The following GMDS variants were observed in gnomAD, a reference collection of about 807,000 sequenced individuals.
The protein encoded by GMDS is GDP-mannose 4,6-dehydratase.
Under a neutral mutation model 49.9 loss-of-function variants are expected in GMDS, and 20 were observed. The ratio of observed to expected loss-of-function variants is 0.40; its 90% CI spans 0.28 to 0.58. The LOEUF (loss-of-function observed/expected upper bound fraction) is 0.58, where lower values mean the gene tolerates loss of function less well. GMDS is among the 20% of genes least tolerant of loss of function. The probability of loss-of-function intolerance (pLI) is 0.42; values close to 1 mark genes in which losing one functional copy is unlikely to be tolerated. For missense variants in GMDS, 362 were observed against 481.4 expected, an observed-to-expected ratio of 0.75 and a Z score of 2.32; for synonymous variants, 177 against 178.6, an observed-to-expected ratio of 0.99 and a Z score of 0.07.
intron 4 of GMDS, among the ~76,000 whole-genome samples, chr6:2,093,434 T>C (rs1421916813): frequency 1.3e-5 from 2 of 152,138 alleles, no homozygotes; most frequent in Non-Finnish European, 2.9e-5. Context: ...TTTCAAATGA[T>C]CAGCAAAGAT....
intron 9 of GMDS, among the ~76,000 whole-genome samples, chr6:1,719,367 G>A (rs1766285742): frequency 6.6e-6 from 1 of 152,158 alleles, no homozygotes; most frequent in African/African-American, 2.4e-5. Flanking sequence ...CACGGTAGAT[G>A]GGCATGACTA....
chr6:2,216,916 C>A (rs1780363750), intron 1 of GMDS, among the ~76,000 whole-genome samples: 1 of 152,140 alleles, frequency 6.6e-6, no homozygotes, highest in African/African-American at 2.4e-5. Context: ...TCCCATGGCT[C>A]CTCACGGAAA....
chr6:2,108,499 T>TCAGTG (rs1774365605), intron 4 of GMDS, among the ~76,000 whole-genome samples: 1 of 152,208 alleles, frequency 6.6e-6, no homozygotes, highest in African/African-American at 2.4e-5. Flanking sequence ...TTAGTATCAC[T>TCAGTG]GATGTGCTAA....
chr6:2,002,131 T>C (rs1401764988), intron 4 of GMDS, among the ~76,000 whole-genome samples: 2 of 152,184 alleles, frequency 1.3e-5, no homozygotes, highest in Non-Finnish European at 2.9e-5. Flanking sequence ...AAAATTGGAT[T>C]TATATAAAGT....
chr6:1,818,011 T>C (rs1489961538), intron 7 of GMDS, among the ~76,000 whole-genome samples: 1 of 152,180 alleles, frequency 6.6e-6, no homozygotes, highest in Non-Finnish European at 1.5e-5. Context: ...AATACAGAGC[T>C]TGCCTTAAAA....
intron 4 of GMDS, among the ~76,000 whole-genome samples, chr6:1,997,117 A>T (rs1423421450): frequency 6.6e-6 from 1 of 151,944 alleles, no homozygotes; most frequent in Non-Finnish European, 1.5e-5. Flanking sequence ...GGGATGGGGT[A>T]AAGAGGGAAG....
chr6:1,914,611 C>T (rs182679803), intron 7 of GMDS, among the ~76,000 whole-genome samples: 1 of 152,274 alleles, frequency 6.6e-6, no homozygotes, highest in Admixed American at 6.5e-5. Flanking sequence ...ACAAGTGACA[C>T]CTGAGACTAT....
intron 7 of GMDS, among the ~76,000 whole-genome samples, chr6:1,786,358 G>T (rs1052042666): frequency 1.3e-5 from 2 of 152,242 alleles, no homozygotes; most frequent in Admixed American, 1.3e-4. Context: ...CAGGAAGCAG[G>T]GTTGGCTATG....
intron 7 of GMDS, among the ~76,000 whole-genome samples, chr6:1,742,965 C>T (rs966618591): frequency 6.6e-6 from 1 of 152,132 alleles, no homozygotes; most frequent in African/African-American, 2.4e-5. Context: ...ACAAAAAGAG[C>T]AGTTCTAAAA....
intron 4 of GMDS, among the ~76,000 whole-genome samples, chr6:2,052,116 CAAAAAAAAAAAAAAGAAAA>C (rs1770442470): frequency 2.3e-5 from 1 of 43,616 alleles, no homozygotes; most frequent in Admixed American, 2.5e-4. Flanking sequence ...GACTCTGTCT[CAAAAAAAAAAAAAAGAAAA>C]AAAAAAAACA....
At chr6:1,663,673 C>T (rs1319127852) in intron 9 of GMDS, among the ~76,000 whole-genome samples, 2 of 152,174 alleles carry the variant, frequency 1.3e-5, no homozygotes, top group Admixed American at 1.3e-4. Flanking sequence ...CACTGCTGTT[C>T]CTTCAACTGG....
chr6:1,786,460 C>T (rs11964845), intron 7 of GMDS, among the ~76,000 whole-genome samples: 1,860 of 152,324 alleles, frequency 0.012, 30 homozygotes, highest in African/African-American at 0.043. Context: ...AAGACAAGCC[C>T]CTCGCACAGC....
At chr6:1,749,431 T>TA (rs1331567375) in intron 7 of GMDS, among the ~76,000 whole-genome samples, 1 of 151,050 alleles carries the variant, frequency 6.6e-6, no homozygotes, top group Non-Finnish European at 1.5e-5. Flanking sequence ...CTACAAAAAA[T>TA]ACAAAACTTA....
intron 9 of GMDS, among the ~76,000 whole-genome samples, chr6:1,701,567 C>CA (rs1328043440): frequency 8.0e-5 from 12 of 149,366 alleles, no homozygotes; most frequent in East Asian, 2.0e-4. Context: ...GGTGCATATT[C>CA]AAAAAAAAAG....
At position 1,793,026 on chromosome 6, in the gene GMDS, T is replaced by C. The variant is rs201249587; in HGVS notation, c.772-50440A>G. On this transcript the variant is annotated intron_variant, in intron 7 of 10. Coordinates refer to ENST00000380815, the MANE Select transcript of GMDS (RefSeq NM_001500.4). ...CTCACTATGAAATTCTTATTAGACG[T>C]TTTCACTCTTCAGTATATCCTCTAA... 3.9e-5 allele frequency among the ~76,000 whole-genome samples: 6 copies of C among 152,156 alleles called. No individual in the cohort carries two copies. In the East Asian group the frequency reaches 9.6e-4, roughly 24 times the overall value.
chr6:2,245,442 G>A lies in GMDS; in HGVS notation c.-20C>T. The A allele has an allele frequency of 7.0e-7, 1 of 1,418,886 alleles. No individual in the cohort carries two copies. Among genetic ancestry groups the A allele is most frequent in the Non-Finnish European group, 9.2e-7 (1 of 1,087,494 alleles). The allele number at this position is 1,418,886 out of a possible 1,614,324, so 87.9% of individuals were successfully genotyped here. ...TGCCATGTCCCGCGGCGGGCGTGCG[G>A]TCGGCGGCAGGGCGGAGCGCGGCAG... On this transcript the variant is annotated 5_prime_UTR_variant, in exon 1 of 11. Transcript: ENST00000380815.
At chr6:2,020,456 T>C (rs1404404235) in intron 4 of GMDS, among the ~76,000 whole-genome samples, 1 of 152,158 alleles carries the variant, frequency 6.6e-6, no homozygotes, top group Non-Finnish European at 1.5e-5. Flanking sequence ...TTATTGGTTC[T>C]ACTTTAGCAG....
intron 6 of GMDS, among the ~76,000 whole-genome samples, chr6:1,945,878 C>A (rs374315677): frequency 1.3e-5 from 2 of 152,134 alleles, no homozygotes; most frequent in East Asian, 1.9e-4. Flanking sequence ...ATTCTAAAAC[C>A]GAAGGTATCT....
chr6:1,871,578 T>A (rs745308592), intron 7 of GMDS, among the ~76,000 whole-genome samples: 24 of 152,224 alleles, frequency 1.6e-4, no homozygotes, highest in Non-Finnish European at 3.2e-4. Flanking sequence ...ATTACTTTTT[T>A]TCATGAAATA....
Sources: allele counts gnomAD v4.1 joint callset (sites outside exome capture counted in the v4.1 genomes callset), GRCh38; gene constraint gnomAD v4.1.1; transcripts MANE v1.5; gene names NCBI Gene and HGNC (gene_info 2026-07-23, HGNC 2026-07-21).